PARN: variants seen among roughly 807,000 people sequenced by gnomAD.
The protein encoded by PARN is poly(A)-specific ribonuclease PARN.
PARN carries 71 observed loss-of-function variants against 102.8 expected under a neutral mutation model. The observed-to-expected ratio is 0.69, with a 90% CI of 0.57 to 0.84. The LOEUF (loss-of-function observed/expected upper bound fraction) is 0.84, where lower values mean the gene tolerates loss of function less well. Among genes scored for constraint, PARN ranks in the 40% least tolerant of loss-of-function variants. The pLI is 0.00. For synonymous variants in PARN, 261 were observed against 252.9 expected, an observed-to-expected ratio of 1.03 and a Z score of -0.30; for missense variants, 782 against 760.9, an observed-to-expected ratio of 1.03 and a Z score of -0.33.
intron 6 of PARN, among the ~76,000 whole-genome samples, chr16:14,616,379 C>T (rs572294146): frequency 7.9e-5 from 12 of 152,328 alleles, no homozygotes; most frequent in Admixed American, 5.2e-4. Flanking sequence ...GCAAGTTAGC[C>T]ATTATCAATC....
intron 22 of PARN, among the ~76,000 whole-genome samples, chr16:14,466,575 T>C (rs1333631547): frequency 6.6e-6 from 1 of 152,222 alleles, no homozygotes; most frequent in Non-Finnish European, 1.5e-5. Context: ...CACAAGTCCA[T>C]GTTTATCAGG....
Position 14,436,352 on chromosome 16 carries a change from G to T in PARN, c.*365C>A. On this transcript the variant is annotated 3_prime_UTR_variant, in exon 24 of 24. Transcript: ENST00000437198. ...CCCCAAATTCATGATCACAGCAGCTGGAATGTCAGCTCTTTTTGCAGATTT... is the reference window on the plus strand; with the variant it reads ...CCCCAAATTCATGATCACAGCAGCTTGAATGTCAGCTCTTTTTGCAGATTT... The T allele has an allele frequency of 3.8e-6, 1 of 264,942 alleles. No individual in the cohort carries two copies. Among genetic ancestry groups the T allele is most frequent in the Non-Finnish European group, 7.2e-6 (1 of 138,842 alleles). The allele number at this position is 264,942 out of a possible 1,614,324, so 16.4% of individuals were successfully genotyped here. A position where few individuals can be genotyped will look rare whatever the true frequency, so the allele number is the denominator to read the frequency against.
Position 14,629,649 on chromosome 16 carries a change from C to T in PARN, c.45G>A (p.Val15=), listed in dbSNP as rs755567053. 5.0e-6 allele frequency: 8 copies of T among 1,613,232 alleles called. No homozygotes were observed. Among genetic ancestry groups the T allele is most frequent in the African/African-American group, 4.0e-5 (3 of 74,928 alleles). ...RSNFKSNLHK[V]YQAIEEADFF... ...AGTCGGCCTCCTCTATGGCCTGGTA[C>T]ACTTTGTGAAGATTACTCTTAAAAT... Residue 15 remains valine, a synonymous_variant, in exon 2 of 24, where the codon GTG becomes GTA. Coordinates refer to ENST00000437198, the MANE Select transcript of PARN (RefSeq NM_002582.4).
chr16:14,539,667 T>C (rs1966765362), intron 21 of PARN, among the ~76,000 whole-genome samples: 1 of 152,212 alleles, frequency 6.6e-6, no homozygotes, highest in South Asian at 2.1e-4. Context: ...AATCAGAAGG[T>C]ATCCATCCAT....
intron 21 of PARN, among the ~76,000 whole-genome samples, chr16:14,510,000 GCAAA>G (rs1251818353): frequency 3.9e-5 from 6 of 152,128 alleles, no homozygotes; most frequent in African/African-American, 1.2e-4. Flanking sequence ...CTCACCCAGA[GCAAA>G]CAAACAAAAA....
At chr16:14,581,685 T>C (rs1429320799) in intron 17 of PARN, among the ~76,000 whole-genome samples, 1 of 152,114 alleles carries the variant, frequency 6.6e-6, no homozygotes, top group Non-Finnish European at 1.5e-5. Flanking sequence ...TTTGGGAGGC[T>C]GAGGTAGGAG....
At chr16:14,555,217 T>C (rs1168740106) in intron 19 of PARN, among the ~76,000 whole-genome samples, 1 of 152,118 alleles carries the variant, frequency 6.6e-6, no homozygotes, top group Non-Finnish European at 1.5e-5. Context: ...CCACCTCCCA[T>C]AGACCTTCCA....
intron 5 of PARN, among the ~76,000 whole-genome samples, chr16:14,620,089 A>AC (rs1972204456): frequency 7.1e-6 from 1 of 141,334 alleles, no homozygotes. Flanking sequence ...AAAAAAAAAA[A>AC]AACACTGGCC....
At chr16:14,498,016 C>T (rs1328575274) in intron 21 of PARN, among the ~76,000 whole-genome samples, 1 of 148,760 alleles carries the variant, frequency 6.7e-6, no homozygotes, top group Non-Finnish European at 1.5e-5. Context: ...CCCAGCTACT[C>T]AGAAGGCTGA....
chr16:14,555,751 T>C (rs750556968), intron 18 of PARN, 42 bp from the exon 19 acceptor site: 13 of 1,027,838 alleles, frequency 1.3e-5, no homozygotes, highest in Non-Finnish European at 1.8e-5. Flanking sequence ...CAATTTCCTT[T>C]AAAAGACAGG....
At chr16:14,604,091 A>G (rs1225130000) in intron 11 of PARN, 55 bp downstream of exon 11, 1 of 985,618 alleles carries the variant, frequency 1.0e-6, no homozygotes, top group Non-Finnish European at 1.6e-6. Flanking sequence ...ACAGGAATAA[A>G]TCAATATTTA....
intron 22 of PARN, among the ~76,000 whole-genome samples, chr16:14,456,419 C>T (rs1567290014): frequency 2.0e-5 from 3 of 152,074 alleles, no homozygotes; most frequent in Non-Finnish European, 2.9e-5. Context: ...ACTGATCCTC[C>T]CTCCTTGGTC....
chr16:14,547,481 G>C (rs1967026457), intron 21 of PARN, among the ~76,000 whole-genome samples: 1 of 151,800 alleles, frequency 6.6e-6, no homozygotes, highest in Non-Finnish European at 1.5e-5. Context: ...CAAGGAGAGA[G>C]GACGGCTTGA....
intron 5 of PARN, among the ~76,000 whole-genome samples, chr16:14,626,359 G>C (rs1972662026): frequency 6.6e-6 from 1 of 152,056 alleles, no homozygotes; most frequent in Non-Finnish European, 1.5e-5. Flanking sequence ...TTTATGCCCA[G>C]GCTGGTCTCA....
chr16:14,512,747 G>A (rs1965263737), intron 21 of PARN, among the ~76,000 whole-genome samples: 1 of 152,132 alleles, frequency 6.6e-6, no homozygotes, highest in Non-Finnish European at 1.5e-5. Context: ...TTTCCACTCT[G>A]CCTTATTGCC....
chr16:14,576,767 T>C (rs934933761), intron 18 of PARN, among the ~76,000 whole-genome samples: 1 of 152,128 alleles, frequency 6.6e-6, no homozygotes, highest in African/African-American at 2.4e-5. Flanking sequence ...CTCATGACTT[T>C]CCTCCTGATT....
intron 22 of PARN, among the ~76,000 whole-genome samples, chr16:14,472,898 G>C (rs992224105): frequency 6.6e-6 from 1 of 152,178 alleles, no homozygotes; most frequent in Admixed American, 6.5e-5. Context: ...TCTCTACAGA[G>C]GATAACATTT....
At chr16:14,523,015 C>A (rs1412123226) in intron 21 of PARN, among the ~76,000 whole-genome samples, 2 of 152,022 alleles carry the variant, frequency 1.3e-5, no homozygotes, top group East Asian at 1.9e-4. Context: ...AACCTACTCA[C>A]AAAGCAACTC....
chr16:14,598,811 G>C (rs1426613224), intron 12 of PARN, among the ~76,000 whole-genome samples: 1 of 152,162 alleles, frequency 6.6e-6, no homozygotes, highest in Non-Finnish European at 1.5e-5. Context: ...AGCTGGCAGT[G>C]AGACAGCATG....
Sources: gnomAD v4.1 joint callset for allele counts (sites outside exome capture counted in the v4.1 genomes callset) on GRCh38, gnomAD v4.1.1 for gene constraint, MANE v1.5 for transcripts, NCBI Gene and HGNC (gene_info 2026-07-23, HGNC 2026-07-21) for gene names.